The following CPAMD8 variants were observed in gnomAD, a reference collection of about 807,000 sequenced individuals.
CPAMD8 encodes C3 and PZP like alpha-2-macroglobulin domain containing 8.
CPAMD8 carries 146 observed loss-of-function variants against 224.7 expected under a neutral mutation model. The observed-to-expected ratio is 0.65, with a 90% CI of 0.57 to 0.75. The LOEUF is 0.75. CPAMD8 is among the 30% of genes least tolerant of loss of function. The probability of loss-of-function intolerance (pLI) is 0.00; values close to 1 mark genes in which losing one functional copy is unlikely to be tolerated. For synonymous variants in CPAMD8, 966 were observed against 1,044.6 expected, an observed-to-expected ratio of 0.92 and a Z score of 1.45; for missense variants, 2,301 against 2,537.5, an observed-to-expected ratio of 0.91 and a Z score of 2.00.
intron 8 of CPAMD8, among the ~76,000 whole-genome samples, chr19:17,003,067 T>G (rs1814037511): frequency 6.6e-6 from 1 of 151,872 alleles, no homozygotes; most frequent in Non-Finnish European, 1.5e-5. Context: ...CACGCCTGGC[T>G]AATTTTTGTA....
At chr19:16,931,711 C>T (rs1324988190) in intron 23 of CPAMD8, among the ~76,000 whole-genome samples, 1 of 152,186 alleles carries the variant, frequency 6.6e-6, no homozygotes. Flanking sequence ...CCCACTGCTG[C>T]CAACACTGGG....
At chr19:16,938,203 C>A (rs1407747441) in intron 23 of CPAMD8, among the ~76,000 whole-genome samples, 192 bp downstream of exon 23, 2 of 151,990 alleles carry the variant, frequency 1.3e-5, no homozygotes, top group African/African-American at 4.8e-5. Context: ...TCATTCATGC[C>A]CCACCCTCAC....
chr19:17,022,158 G>T lies in CPAMD8; in HGVS notation c.116C>A (p.Ser39Tyr). Residue 39 changes from serine to tyrosine, a missense_variant, in exon 2 of 42, where the codon TCT (serine) becomes TAT (tyrosine). By Grantham distance (144) the Ser-to-Tyr change is moderately radical. This residue lies in a region of CPAMD8 where 283 missense variants were observed against 340.6 expected (regional missense o/e 0.83). Coordinates refer to ENST00000443236, the MANE Select transcript of CPAMD8 (RefSeq NM_015692.5). ...TTCCTCCACGCCCGCGCGAAAAACA[G>T]AGGGAGCTGCAATCAAGTAACCCCT... ...QAPGYLIAAP[S>Y]VFRAGVEEVI... The T allele has an allele frequency of 6.2e-7, 1 of 1,610,484 alleles. No homozygotes were observed. Among genetic ancestry groups the T allele is most frequent in the Non-Finnish European group, 8.5e-7 (1 of 1,178,212 alleles).
intron 21 of CPAMD8, among the ~76,000 whole-genome samples, chr19:16,946,160 A>ATG (rs952145849): frequency 7.9e-6 from 1 of 126,214 alleles, no homozygotes; most frequent in Non-Finnish European, 1.6e-5. Context: ...ACATGTGGGC[A>ATG]TGTGTGTGTG....
chr19:17,011,659 G>C lies in CPAMD8; in HGVS notation c.366C>G (p.Thr122=), dbSNP rs199892332. 1.9e-6 allele frequency: 3 copies of C among 1,614,068 alleles called. No homozygotes were observed. Among genetic ancestry groups the C allele is most frequent in the South Asian group, 1.1e-5 (1 of 91,080 alleles). ...GPLFHNQTSV[T]VDGRGASVFI... ...ATACAGAAGCGCCCCGGCCGTCCACGGTCACCGAGGTCTGGTTGTGAAAGA... is the reference window on the plus strand; with the variant it reads ...ATACAGAAGCGCCCCGGCCGTCCACCGTCACCGAGGTCTGGTTGTGAAAGA... Residue 122 remains threonine (T), a synonymous_variant, in exon 4 of 42, where the codon ACC becomes ACG. Transcript: ENST00000443236.
chr19:16,901,400 A>G, intron 35 of CPAMD8, 103 bp from the exon 36 acceptor site: 1 of 808,746 alleles, frequency 1.2e-6, no homozygotes, highest in Non-Finnish European at 2.1e-6. Flanking sequence ...TGTCCCAGGA[A>G]GCCTGCCCTG....
Position 16,925,203 on chromosome 19 carries a change from T to C in CPAMD8, c.3540A>G (p.Leu1180=), listed in dbSNP as rs748889283. 2.5e-6 allele frequency: 4 copies of C among 1,614,064 alleles called. No homozygotes were observed. The highest frequency in any genetic ancestry group is 3.4e-6 in the Non-Finnish European group (4 of 1,180,026). The change falls in exon 26 of 42, where the codon CTA becomes CTG. Residue 1180 remains leucine (L), a synonymous_variant. Transcript: ENST00000443236. ...PEVERETTDY[L]VQGYQRQLTY... ...GCACTTCTTCCCCAATACCTTGTAC[T>C]AGGTAGTCGGTGGTCTCTCTCTCCA...
intron 18 of CPAMD8, among the ~76,000 whole-genome samples, chr19:16,961,887 G>A (rs555983019): frequency 5.0e-4 from 76 of 152,316 alleles, no homozygotes; most frequent in Non-Finnish European, 9.0e-4. Flanking sequence ...CTGGTGATAC[G>A]CAGGCAGACA....
At chr19:17,013,345 C>T (rs1270314551) in intron 3 of CPAMD8, 4 of 151,452 alleles carry the variant, frequency 2.6e-5, no homozygotes, top group Non-Finnish European at 5.9e-5. Flanking sequence ...CCTGTCTCTA[C>T]AAAAAATACA....
intron 29 of CPAMD8, among the ~76,000 whole-genome samples, 171 bp downstream of exon 29, chr19:16,914,253 C>T (rs2052844083): frequency 6.6e-6 from 1 of 152,070 alleles, no homozygotes; most frequent in Non-Finnish European, 1.5e-5. Context: ...GCTCAGATTA[C>T]AAGAAACTGG....
At chr19:16,986,048 T>C (rs1373238108) in intron 13 of CPAMD8, among the ~76,000 whole-genome samples, 1 of 152,116 alleles carries the variant, frequency 6.6e-6, no homozygotes, top group African/African-American at 2.4e-5. Flanking sequence ...ACCTTTCTCC[T>C]CTTCTTTACT....
chr19:16,902,907 C>T, intron 34 of CPAMD8, 44 bp from the exon 35 acceptor site: 1 of 1,313,816 alleles, frequency 7.6e-7, no homozygotes, highest in Non-Finnish European at 1.0e-6. Flanking sequence ...CTGGGCCCTC[C>T]ATAACAGGTG....
At chr19:16,938,208 C>T (rs908318183) in intron 23 of CPAMD8, among the ~76,000 whole-genome samples, 187 bp downstream of exon 23, 3 of 152,106 alleles carry the variant, frequency 2.0e-5, no homozygotes, top group Non-Finnish European at 2.9e-5. Flanking sequence ...CATGCCCCAC[C>T]CTCACTGGCT....
intron 22 of CPAMD8, 34 bp downstream of exon 22, chr19:16,945,515 T>C (rs1186583010): frequency 1.2e-6 from 2 of 1,604,716 alleles, no homozygotes; most frequent in Non-Finnish European, 1.7e-6. Context: ...AATGAGGCCC[T>C]GGCTAAGCAC....
intron 1 of CPAMD8, among the ~76,000 whole-genome samples, chr19:17,022,646 C>G (rs1198498238): frequency 6.6e-6 from 1 of 152,044 alleles, no homozygotes; most frequent in African/African-American, 2.4e-5. Flanking sequence ...TTATAGGTGC[C>G]TGCCACCACG....
At chr19:16,925,454 G>A in intron 25 of CPAMD8, 82 bp from the exon 26 acceptor site, 2 of 1,137,110 alleles carry the variant, frequency 1.8e-6, no homozygotes, top group Non-Finnish European at 1.3e-6. Context: ...AGGGATGGGA[G>A]ACAGTGAGTG....
chr19:16,976,959 T>C (rs939466350), intron 15 of CPAMD8, among the ~76,000 whole-genome samples: 102 of 152,198 alleles, frequency 6.7e-4, no homozygotes, highest in African/African-American at 2.3e-3. Flanking sequence ...GGAGAATTGC[T>C]TGAACCCGGG....
intron 22 of CPAMD8, among the ~76,000 whole-genome samples, 199 bp from the exon 23 acceptor site, chr19:16,938,645 T>A (rs2085613403): frequency 6.6e-6 from 1 of 151,952 alleles, no homozygotes; most frequent in Non-Finnish European, 1.5e-5. Flanking sequence ...CTTCCCAGGC[T>A]CCAATGGGGA....
chr19:17,009,118 A>C, intron 6 of CPAMD8, 185 bp downstream of exon 6: 1 of 825,788 alleles, frequency 1.2e-6, no homozygotes. Context: ...GGAAACGGAC[A>C]GACACACACA....
Sources: allele counts gnomAD v4.1 joint callset (sites outside exome capture counted in the v4.1 genomes callset), GRCh38; gene constraint gnomAD v4.1.1; regional missense constraint gnomAD v4.1.1; transcripts MANE v1.5; gene names NCBI Gene and HGNC (gene_info 2026-07-23, HGNC 2026-07-21).